HTT-AS: variants seen among roughly 807,000 people sequenced by gnomAD.
The protein encoded by HTT-AS is HTT antisense RNA (head to head).
chr4:3,046,686 G>C (rs532550268), downstream of HTT-AS, among the ~76,000 whole-genome samples: 27 of 152,304 alleles, frequency 1.8e-4, no homozygotes, highest in Admixed American at 7.8e-4. Flanking sequence ...GTTTTGCAAA[G>C]GTAGGAACAA....
At chr4:3,074,506 G>A (rs1326533530) in exon 1 of HTT-AS, 7 of 265,268 alleles carry the variant, frequency 2.6e-5, no homozygotes, top group South Asian at 1.1e-4. Flanking sequence ...CGCTGTCAGC[G>A]GCCTTGCTGT....
intron 2 of HTT-AS, among the ~76,000 whole-genome samples, chr4:3,050,361 A>G (rs1711680226): frequency 6.6e-6 from 1 of 152,196 alleles, no homozygotes; most frequent in African/African-American, 2.4e-5. Flanking sequence ...TTTTCTTGGT[A>G]TTCAATTAAT....
At chr4:3,052,033 C>G (rs1173212962) in intron 2 of HTT-AS, among the ~76,000 whole-genome samples, 3 of 152,154 alleles carry the variant, frequency 2.0e-5, no homozygotes, top group African/African-American at 7.2e-5. Context: ...TACAATCTAT[C>G]TTGAGTAGTT....
chr4:3,068,373 C>T (rs184159330), intron 1 of HTT-AS, among the ~76,000 whole-genome samples: 2 of 150,914 alleles, frequency 1.3e-5, no homozygotes, highest in South Asian at 2.1e-4. Context: ...AAGCAACTGC[C>T]GCCTTTGATT....
intron 1 of HTT-AS, among the ~76,000 whole-genome samples, chr4:3,074,138 C>T (rs1435359313): frequency 7.5e-6 from 1 of 133,284 alleles, no homozygotes; most frequent in Non-Finnish European, 1.6e-5. Context: ...CCACCCCTCA[C>T]CGGCCAGTCC....
intron 1 of HTT-AS, among the ~76,000 whole-genome samples, chr4:3,071,276 C>G (rs1364692001): frequency 1.3e-5 from 2 of 152,208 alleles, no homozygotes; most frequent in Non-Finnish European, 2.9e-5. Context: ...CAACTGCACA[C>G]AGTCATCTGG....
intron 2 of HTT-AS, among the ~76,000 whole-genome samples, chr4:3,057,066 C>G (rs1290475080): frequency 6.6e-6 from 1 of 151,492 alleles, no homozygotes; most frequent in Non-Finnish European, 1.5e-5. Context: ...CAGAGTCTCG[C>G]TCTGTCGCCC....
At chr4:3,060,732 A>G (rs1711908326) in intron 2 of HTT-AS, among the ~76,000 whole-genome samples, 1 of 152,268 alleles carries the variant, frequency 6.6e-6, no homozygotes, top group African/African-American at 2.4e-5. Context: ...AGGCAGATCC[A>G]ACATGGCGGC....
At chr4:3,072,704 C>G (rs1712202791) in intron 1 of HTT-AS, among the ~76,000 whole-genome samples, 1 of 152,180 alleles carries the variant, frequency 6.6e-6, no homozygotes, top group African/African-American at 2.4e-5. Context: ...GATCTTGGCT[C>G]ACTGCAACCT....
chr4:3,073,007 C>A (rs1406847609), intron 1 of HTT-AS, among the ~76,000 whole-genome samples: 1 of 152,206 alleles, frequency 6.6e-6, no homozygotes, highest in Non-Finnish European at 1.5e-5. Flanking sequence ...TCACTTGCAG[C>A]CTCAAATTCC....
intron 1 of HTT-AS, among the ~76,000 whole-genome samples, chr4:3,064,095 A>C (rs1245426166): frequency 9.2e-6 from 1 of 108,494 alleles, no homozygotes; most frequent in Non-Finnish European, 2.1e-5. Context: ...CAAATAATAA[A>C]GTTTTTTTTT....
At chr4:3,047,739 C>A (rs1711621697), downstream of HTT-AS, among the ~76,000 whole-genome samples, 2 of 152,246 alleles carry the variant, frequency 1.3e-5, no homozygotes, top group African/African-American at 2.4e-5. Context: ...CCGCCCACAG[C>A]CATCCGGAGG....
intron 1 of HTT-AS, among the ~76,000 whole-genome samples, chr4:3,070,479 G>A (rs1712146683): frequency 6.6e-6 from 1 of 152,056 alleles, no homozygotes; most frequent in Non-Finnish European, 1.5e-5. Flanking sequence ...TTAGTTGAGA[G>A]AGGGTTTCAT....
intron 2 of HTT-AS, among the ~76,000 whole-genome samples, chr4:3,057,562 T>C (rs1317106507): frequency 1.3e-5 from 2 of 152,182 alleles, no homozygotes; most frequent in Admixed American, 6.5e-5. Context: ...AGCCAAGGAA[T>C]AGAGAATGGC....
intron 1 of HTT-AS, chr4:3,069,952 C>G (rs35631490): frequency 0.093 from 14,191 of 152,320 alleles, 980 homozygotes; most frequent in African/African-American, 0.19. Context: ...TCCTTCTTTT[C>G]CAGCCCCACC....
downstream of HTT-AS, among the ~76,000 whole-genome samples, chr4:3,047,899 T>C (rs953659195): frequency 5.3e-5 from 8 of 152,184 alleles, no homozygotes; most frequent in African/African-American, 1.9e-4. Context: ...GAAGAAATAA[T>C]GACGTAGGCT....
chr4:3,060,936 G>T (rs574048979), intron 2 of HTT-AS, among the ~76,000 whole-genome samples: 1 of 152,212 alleles, frequency 6.6e-6, no homozygotes, highest in East Asian at 1.9e-4. Context: ...CCTCAAGCCT[G>T]TCTATAAAAC....
At chr4:3,057,102 C>T (rs541548870) in intron 2 of HTT-AS, among the ~76,000 whole-genome samples, 58 of 151,784 alleles carry the variant, frequency 3.8e-4, no homozygotes, top group African/African-American at 1.2e-3. Context: ...GGCACAATCT[C>T]GGCTCACTGC....
intron 1 of HTT-AS, among the ~76,000 whole-genome samples, chr4:3,073,294 C>T (rs1712239817): frequency 6.6e-6 from 1 of 152,230 alleles, no homozygotes; most frequent in African/African-American, 2.4e-5. Flanking sequence ...CTGAGGCCAA[C>T]CTTACTCCCT....
Sources: allele counts gnomAD v4.1 joint callset (sites outside exome capture counted in the v4.1 genomes callset), GRCh38; gene constraint gnomAD v4.1.1; transcripts MANE v1.5; gene names NCBI Gene and HGNC (gene_info 2026-07-23, HGNC 2026-07-21).